CAMK2D: variants seen among roughly 807,000 people sequenced by gnomAD.
CAMK2D encodes the protein calcium/calmodulin-dependent protein kinase type II subunit delta.
In CAMK2D, 37 loss-of-function variants were observed where a neutral mutation model predicts 84.0. The observed-to-expected ratio is 0.44, with a 90% CI of 0.34 to 0.58. CAMK2D has a LOEUF of 0.58. CAMK2D is among the 20% of genes least tolerant of loss of function. The probability of loss-of-function intolerance (pLI) is 0.02; values close to 1 mark genes in which losing one functional copy is unlikely to be tolerated. For synonymous variants in CAMK2D, 202 were observed against 212.5 expected (o/e 0.95, Z 0.43); for missense variants, 448 against 652.5 (o/e 0.69, Z 3.41).
rs533678679 is a variant in CAMK2D at position 113,713,240 on chromosome 4, T to C, written c.160+46080A>G. On this transcript the variant is annotated intron_variant, in intron 2 of 20. Coordinates refer to ENST00000511664, the MANE Select transcript of CAMK2D (RefSeq NM_001321571.2). ...CAATTGTGAGAGTTTCCTTACATTG[T>C]AAACTAGTAGGAAAATCCTTGAGTA... Among the ~76,000 whole-genome samples the C allele has an allele frequency of 5.3e-5, 8 of 151,956 alleles. 1 individual carries two copies. In the East Asian group the frequency reaches 1.5e-3, roughly 29 times the overall value.
intron 13 of CAMK2D, among the ~76,000 whole-genome samples, chr4:113,507,339 C>T (rs967940877): frequency 6.6e-6 from 1 of 151,900 alleles, no homozygotes; most frequent in Non-Finnish European, 1.5e-5. Flanking sequence ...AAACCTCTGC[C>T]TTCTGGGTTC....
At chr4:113,486,821 ACT>A (rs1241034374) in intron 16 of CAMK2D, among the ~76,000 whole-genome samples, 3 of 152,070 alleles carry the variant, frequency 2.0e-5, no homozygotes, top group Non-Finnish European at 1.5e-5. Context: ...ATCACGATTC[ACT>A]CTCTATTGAT....
chr4:113,676,916 T>C (rs952430645), intron 2 of CAMK2D, among the ~76,000 whole-genome samples: 1 of 152,214 alleles, frequency 6.6e-6, no homozygotes, highest in African/African-American at 2.4e-5. Flanking sequence ...TCCCACTGCT[T>C]TGTAAAAGTT....
At chr4:113,545,780 C>G (rs577279488) in intron 6 of CAMK2D, among the ~76,000 whole-genome samples, 6 of 152,318 alleles carry the variant, frequency 3.9e-5, no homozygotes, top group African/African-American at 1.4e-4. Context: ...CTCTCAAAAG[C>G]TCATTTCTGT....
At chr4:113,530,385 C>T (rs2098449991) in intron 8 of CAMK2D, among the ~76,000 whole-genome samples, 1 of 152,144 alleles carries the variant, frequency 6.6e-6, no homozygotes. Context: ...AGGTCAGGTG[C>T]AGAATTTTCC....
At chr4:113,483,822 C>A (rs980756217) in intron 16 of CAMK2D, among the ~76,000 whole-genome samples, 7 of 152,004 alleles carry the variant, frequency 4.6e-5, no homozygotes, top group African/African-American at 1.7e-4. Context: ...AGTAAAAGGT[C>A]AAAATCAGAA....
intron 6 of CAMK2D, among the ~76,000 whole-genome samples, chr4:113,543,324 A>G (rs2098543703): frequency 6.6e-6 from 1 of 151,904 alleles, no homozygotes; most frequent in Non-Finnish European, 1.5e-5. Context: ...TGTCTGAGGT[A>G]CTTCCTCCTT....
chr4:113,590,487 A>AATC (rs1456142605), intron 4 of CAMK2D, among the ~76,000 whole-genome samples: 1 of 152,170 alleles, frequency 6.6e-6, no homozygotes, highest in Non-Finnish European at 1.5e-5. Flanking sequence ...GTCAATGGAT[A>AATC]ATCATGATTC....
chr4:113,537,471 C>G (rs2098501375), intron 6 of CAMK2D, 28 bp from the exon 7 acceptor site: 3 of 1,342,288 alleles, frequency 2.2e-6, no homozygotes, highest in Non-Finnish European at 3.2e-6. Context: ...AAAAAAGAGA[C>G]TGAAGTGAGA....
At chr4:113,713,459 AT>A (rs1167742153) in intron 2 of CAMK2D, among the ~76,000 whole-genome samples, 1 of 148,194 alleles carries the variant, frequency 6.7e-6, no homozygotes, top group East Asian at 1.9e-4. Context: ...AGTTTGCATT[AT>A]TATATGTAAT....
chr4:113,496,446 CT>C (rs543371495), intron 16 of CAMK2D, among the ~76,000 whole-genome samples: 8,659 of 120,632 alleles, frequency 0.072, 432 homozygotes, highest in East Asian at 0.21. Flanking sequence ...CTCCCATTTG[CT>C]TTTTTTTTTT....
intron 2 of CAMK2D, among the ~76,000 whole-genome samples, chr4:113,681,262 T>A (rs991989530): frequency 6.6e-6 from 1 of 152,182 alleles, no homozygotes; most frequent in African/African-American, 2.4e-5. Context: ...TTCCCACATG[T>A]CAGGGGAAGG....
chr4:113,678,059 G>A (rs2099326168), intron 2 of CAMK2D, among the ~76,000 whole-genome samples: 1 of 152,028 alleles, frequency 6.6e-6, no homozygotes, highest in Non-Finnish European at 1.5e-5. Flanking sequence ...GATTGTTCTG[G>A]TCAGCTGAAA....
At chr4:113,475,294 C>T (rs949858126) in intron 16 of CAMK2D, among the ~76,000 whole-genome samples, 5 of 151,862 alleles carry the variant, frequency 3.3e-5, no homozygotes, top group African/African-American at 1.2e-4. Context: ...CATGTCCTCT[C>T]TACCAAATAA....
chr4:113,688,986 T>C (rs980533335), intron 2 of CAMK2D, among the ~76,000 whole-genome samples: 3 of 145,178 alleles, frequency 2.1e-5, no homozygotes, highest in Non-Finnish European at 4.5e-5. Flanking sequence ...GGCTCATGCC[T>C]GTAACCCCAG....
chr4:113,470,288 C>A (rs1374054689), intron 16 of CAMK2D, among the ~76,000 whole-genome samples: 1 of 151,898 alleles, frequency 6.6e-6, no homozygotes, highest in African/African-American at 2.4e-5. Context: ...TGGAAAACTG[C>A]ACCCCCCCCA....
chr4:113,720,262 G>A (rs1309279597), intron 2 of CAMK2D, among the ~76,000 whole-genome samples: 1 of 151,966 alleles, frequency 6.6e-6, no homozygotes, highest in Non-Finnish European at 1.5e-5. Context: ...TAACAACTCA[G>A]TAGTAGTAAC....
At chr4:113,532,240 A>G (rs2098463271) in intron 7 of CAMK2D, among the ~76,000 whole-genome samples, 1 of 152,214 alleles carries the variant, frequency 6.6e-6, no homozygotes, top group South Asian at 2.1e-4. Context: ...TTCTCTGAAC[A>G]AAAAAGAAAA....
At chr4:113,638,981 G>A (rs1242345907) in intron 3 of CAMK2D, among the ~76,000 whole-genome samples, 1 of 151,686 alleles carries the variant, frequency 6.6e-6, no homozygotes, top group African/African-American at 2.4e-5. Flanking sequence ...GGTGGTTCAC[G>A]CCTGTAATCC....
Sources: allele counts gnomAD v4.1 joint callset (sites outside exome capture counted in the v4.1 genomes callset), GRCh38; gene constraint gnomAD v4.1.1; transcripts MANE v1.5; gene names NCBI Gene and HGNC (gene_info 2026-07-23, HGNC 2026-07-21).